SCMH1: variants seen among roughly 807,000 people sequenced by gnomAD.
SCMH1 encodes the protein Scm polycomb group protein homolog 1.
In SCMH1, 37 loss-of-function variants were observed where a neutral mutation model predicts 70.8. The ratio of observed to expected loss-of-function variants is 0.52; its 90% CI spans 0.40 to 0.69. The LOEUF (loss-of-function observed/expected upper bound fraction) is 0.69. SCMH1 is among the 30% of genes least tolerant of loss of function. The pLI, the probability that SCMH1 is intolerant of heterozygous loss-of-function variation, is 0.00. For synonymous variants in SCMH1, 292 were observed against 307.4 expected (o/e 0.95, Z 0.52); for missense variants, 607 against 827.3 (o/e 0.73, Z 3.27).
In SCMH1 at chr1:41,113,596, A is replaced by T; in HGVS notation, c.502-70T>A. ...CCATTATGCCAATAGACTACTATCT[A>T]ATTTGGATGATTAAAAAGTGACTGC... On this transcript the variant is annotated intron_variant, in intron 7 of 14. Coordinates refer to ENST00000337495, the Ensembl canonical transcript of SCMH1. The surrounding 1 kb of genome is among the most constrained non-coding windows in gnomAD (Gnocchi z 4.3). The T allele has an allele frequency of 6.0e-6, 9 of 1,511,984 alleles. No homozygotes were observed. Among genetic ancestry groups the T allele is most frequent in the Non-Finnish European group, 8.0e-6 (9 of 1,129,004 alleles). 93.7% of individuals were successfully genotyped at this position (1,511,984 alleles called of 1,614,324 possible).
At chr1:41,058,118 CAA>C (rs201623540) in intron 10 of SCMH1, among the ~76,000 whole-genome samples, 15 of 54,842 alleles carry the variant, frequency 2.7e-4, no homozygotes, top group Admixed American at 3.6e-4. Context: ...GAGATTGTCT[CAA>C]AAAAAAAAAA....
At chr1:41,104,588 C>T (rs1270826738) in intron 8 of SCMH1, among the ~76,000 whole-genome samples, 1 of 152,038 alleles carries the variant, frequency 6.6e-6, no homozygotes, top group Non-Finnish European at 1.5e-5. Flanking sequence ...TCACAGGTAC[C>T]CCATCAAAAT....
chr1:41,102,047 C>T (rs1446769620), intron 8 of SCMH1, among the ~76,000 whole-genome samples: 1 of 152,148 alleles, frequency 6.6e-6, no homozygotes, highest in East Asian at 1.9e-4. Context: ...TCTAAATAAT[C>T]CTTAGGAGTC....
intron 6 of SCMH1, among the ~76,000 whole-genome samples, chr1:41,125,021 G>A (rs1672833115): frequency 6.6e-6 from 1 of 152,136 alleles, no homozygotes; most frequent in Non-Finnish European, 1.5e-5. Context: ...TTGATCACAT[G>A]TTAAGAGGTG....
intron 13 of SCMH1, among the ~76,000 whole-genome samples, chr1:41,036,075 T>A (rs990851825): frequency 2.0e-5 from 3 of 152,236 alleles, no homozygotes; most frequent in Admixed American, 2.0e-4. Context: ...ACCTTCCCGT[T>A]CTCACCTCCT....
Position 41,052,103 on chromosome 1 carries a change from A to G in SCMH1, c.1106-3213T>C, listed in dbSNP as rs1456152038. Among the ~76,000 whole-genome samples, 6 of 152,236 alleles carry G rather than the reference A, an allele frequency of 3.9e-5. No individual in the cohort carries two copies. The East Asian group carries it at 1.2e-3, about 29-fold the overall frequency. ...TAACCATTGTGCTGCAACTGCCTAT[A>G]GCACAGTAACATGCTATACAGGTTT... On this transcript the variant is annotated intron_variant, in intron 10 of 14. Transcript: ENST00000337495.
At chr1:41,135,753 G>A (rs978267932) in intron 6 of SCMH1, among the ~76,000 whole-genome samples, 3 of 152,104 alleles carry the variant, frequency 2.0e-5, no homozygotes, top group Admixed American at 1.3e-4. Context: ...GTATGTGGCT[G>A]GTGAGGATCA....
At chr1:41,061,123 G>A (rs1415462611) in intron 10 of SCMH1, among the ~76,000 whole-genome samples, 2 of 152,042 alleles carry the variant, frequency 1.3e-5, no homozygotes, top group Non-Finnish European at 2.9e-5. Context: ...AATCATTCCT[G>A]GGCTTGGGAC....
intron 10 of SCMH1, among the ~76,000 whole-genome samples, chr1:41,052,170 A>G (rs1296403528): frequency 6.6e-6 from 1 of 152,212 alleles, no homozygotes; most frequent in Non-Finnish European, 1.5e-5. Context: ...GGTTTGAGTA[A>G]GTACGCTATG....
At chr1:41,144,326 T>C (rs1217892639) in intron 5 of SCMH1, among the ~76,000 whole-genome samples, 1 of 152,200 alleles carries the variant, frequency 6.6e-6, no homozygotes, top group Non-Finnish European at 1.5e-5. Context: ...TTACCTATTC[T>C]GGACATTTCA....
intron 8 of SCMH1, among the ~76,000 whole-genome samples, chr1:41,085,902 G>A (rs1440532344): frequency 5.0e-5 from 7 of 140,960 alleles, no homozygotes; most frequent in Admixed American, 7.6e-5. Flanking sequence ...GTGCAGTGGC[G>A]TGAACTCGGC....
chr1:41,217,472 C>T (rs1178017880), intron 1 of SCMH1, among the ~76,000 whole-genome samples: 2 of 152,190 alleles, frequency 1.3e-5, no homozygotes, highest in Non-Finnish European at 2.9e-5. Flanking sequence ...AGATAGTGTG[C>T]TCTGGAAACA....
chr1:41,104,576 T>A (rs939973820), intron 8 of SCMH1, among the ~76,000 whole-genome samples: 1 of 152,240 alleles, frequency 6.6e-6, no homozygotes, highest in Non-Finnish European at 1.5e-5. Context: ...TGTATCAAAA[T>A]ATCACAGGTA....
chr1:41,081,253 G>A (rs1450865537), intron 8 of SCMH1, among the ~76,000 whole-genome samples: 1 of 152,222 alleles, frequency 6.6e-6, no homozygotes, highest in Non-Finnish European at 1.5e-5. Context: ...TGGCCATGAA[G>A]GGATATGTTA....
intron 8 of SCMH1, among the ~76,000 whole-genome samples, chr1:41,076,433 A>G (rs1317675951): frequency 6.6e-6 from 1 of 152,242 alleles, no homozygotes; most frequent in Non-Finnish European, 1.5e-5. Flanking sequence ...AGAACTTACT[A>G]TAAGTTATAC....
intron 1 of SCMH1, among the ~76,000 whole-genome samples, chr1:41,186,712 T>C (rs181808484): frequency 6.6e-6 from 1 of 152,280 alleles, no homozygotes; most frequent in African/African-American, 2.4e-5. Flanking sequence ...TCTGATATAA[T>C]TGGTTTCTTT....
intron 8 of SCMH1, among the ~76,000 whole-genome samples, chr1:41,109,177 A>T (rs556567051): frequency 6.6e-6 from 1 of 152,322 alleles, no homozygotes; most frequent in South Asian, 2.1e-4. Flanking sequence ...CAAGTCATTT[A>T]ATTATCTGAG....
At chr1:41,122,232 T>C (rs1412155932) in intron 6 of SCMH1, among the ~76,000 whole-genome samples, 2 of 152,198 alleles carry the variant, frequency 1.3e-5, no homozygotes, top group Non-Finnish European at 2.9e-5. Flanking sequence ...TCATTACTCA[T>C]CTCTTATCAC....
At chr1:41,044,676 G>C (rs551388227) in intron 12 of SCMH1, among the ~76,000 whole-genome samples, 1 of 152,304 alleles carries the variant, frequency 6.6e-6, no homozygotes, top group East Asian at 1.9e-4. Context: ...ATGGGGAAGG[G>C]AGAGGTAGCA....
Sources: gnomAD v4.1 joint callset for allele counts (sites outside exome capture counted in the v4.1 genomes callset) on GRCh38, gnomAD v4.1.1 for gene constraint, Gnocchi (gnomAD v3.1) non-coding constraint, MANE v1.5 for transcripts, NCBI Gene and HGNC (gene_info 2026-07-23, HGNC 2026-07-21) for gene names.